The following CTNND2 variants were observed in gnomAD, a reference collection of about 807,000 sequenced individuals.
CTNND2 encodes catenin delta-2.
A neutral mutation model predicts 144.4 loss-of-function variants in CTNND2; 22 were observed. The observed-to-expected ratio is 0.15, with a 90% CI of 0.11 to 0.22. The LOEUF is 0.22. CTNND2 is among the 10% of genes least tolerant of loss of function. The pLI is 1.00. For synonymous variants in CTNND2, 751 were observed against 695.6 expected (o/e 1.08, Z -1.25); for missense variants, 1,353 against 1,618.8 (o/e 0.84, Z 2.82).
chr5:11,878,899 G>A (rs1379659087), intron 1 of CTNND2, among the ~76,000 whole-genome samples: 1 of 152,176 alleles, frequency 6.6e-6, no homozygotes. Flanking sequence ...CTGCTAGCCT[G>A]GATGTCTCAA....
chr5:11,481,557 C>A (rs1303363065), intron 3 of CTNND2, among the ~76,000 whole-genome samples: 1 of 151,890 alleles, frequency 6.6e-6, no homozygotes, highest in African/African-American at 2.4e-5. Context: ...GAGCCAAGGT[C>A]ATGCCACTGC....
At chr5:11,444,461 G>T (rs932451942) in intron 3 of CTNND2, among the ~76,000 whole-genome samples, 1 of 152,144 alleles carries the variant, frequency 6.6e-6, no homozygotes, top group Non-Finnish European at 1.5e-5. Context: ...GGCACTGGTG[G>T]CTGTTAAGAG....
At chr5:10,978,500 AG>A (rs35851795) in intron 21 of CTNND2, among the ~76,000 whole-genome samples, 43,104 of 145,406 alleles carry the variant, frequency 0.3, 6,616 homozygotes, top group African/African-American at 0.4. Flanking sequence ...CTTTTTGGGG[AG>A]GGGGGGGAAC....
chr5:11,887,083 A>G (rs1457917551), intron 1 of CTNND2, among the ~76,000 whole-genome samples: 1 of 140,392 alleles, frequency 7.1e-6, no homozygotes, highest in African/African-American at 2.7e-5. Flanking sequence ...TCCCGGGTTC[A>G]CTCCATTCTT....
At chr5:11,207,434 T>C (rs915948268) in intron 10 of CTNND2, among the ~76,000 whole-genome samples, 1 of 152,128 alleles carries the variant, frequency 6.6e-6, no homozygotes, top group Non-Finnish European at 1.5e-5. Flanking sequence ...TTTAACTTTA[T>C]TATATCAATT....
intron 14 of CTNND2, among the ~76,000 whole-genome samples, chr5:11,105,518 G>A (rs1212938985): frequency 6.8e-6 from 1 of 147,496 alleles, no homozygotes; most frequent in Non-Finnish European, 1.5e-5. Context: ...TGTGACCAGT[G>A]CCGAAGCCGA....
At chr5:11,184,028 T>A (rs1189580636) in intron 11 of CTNND2, among the ~76,000 whole-genome samples, 1 of 152,228 alleles carries the variant, frequency 6.6e-6, no homozygotes, top group Non-Finnish European at 1.5e-5. Flanking sequence ...AGGCAAAGAC[T>A]GAAACATAAC....
intron 2 of CTNND2, among the ~76,000 whole-genome samples, chr5:11,730,391 G>A (rs1422702028): frequency 1.3e-5 from 2 of 152,086 alleles, no homozygotes; most frequent in East Asian, 3.9e-4. Context: ...ACAACACCAC[G>A]TAAGCCTCTT....
chr5:11,662,273 G>GTATA (rs147318564), intron 2 of CTNND2, among the ~76,000 whole-genome samples: 24 of 134,122 alleles, frequency 1.8e-4, no homozygotes, highest in Non-Finnish European at 3.4e-4. Context: ...GTGTGTGTGT[G>GTATA]TATATATATA....
At chr5:10,984,778 T>C (rs1340308533) in intron 20 of CTNND2, among the ~76,000 whole-genome samples, 1 of 152,130 alleles carries the variant, frequency 6.6e-6, no homozygotes, top group East Asian at 1.9e-4. Context: ...AGAACGACTT[T>C]CAAAGGCATA....
At chr5:11,513,479 A>C (rs532506200) in intron 3 of CTNND2, among the ~76,000 whole-genome samples, 2 of 152,256 alleles carry the variant, frequency 1.3e-5, no homozygotes, top group East Asian at 3.9e-4. Context: ...ATTTACTTCT[A>C]TTCTCAGGTT....
At chr5:11,727,368 C>T (rs907438448) in intron 2 of CTNND2, among the ~76,000 whole-genome samples, 3 of 152,146 alleles carry the variant, frequency 2.0e-5, no homozygotes, top group African/African-American at 7.2e-5. Context: ...TCCTTGCTCC[C>T]CCTTCCTTGT....
At chr5:11,130,500 C>T (rs1755482923) in intron 12 of CTNND2, among the ~76,000 whole-genome samples, 1 of 152,174 alleles carries the variant, frequency 6.6e-6, no homozygotes, top group African/African-American at 2.4e-5. Context: ...CCAATTAAAA[C>T]TGATGGTCGC....
At chr5:11,019,781 T>TA (rs1742044341) in intron 17 of CTNND2, among the ~76,000 whole-genome samples, 1 of 152,246 alleles carries the variant, frequency 6.6e-6, no homozygotes, top group Non-Finnish European at 1.5e-5. Flanking sequence ...CAGTAACAGT[T>TA]AAGACTGTTA....
chr5:11,903,592 G>T lies in CTNND2; in HGVS notation c.37+225C>A, dbSNP rs945348819. 6.6e-6 allele frequency among the ~76,000 whole-genome samples: 1 copy of T among 152,106 alleles called. No homozygotes were observed. The highest frequency in any genetic ancestry group is 1.5e-5 in the Non-Finnish European group (1 of 68,010). ...CACGCAGGGCAGCCACTTGGTAACC[G>T]CTCCAAGAAAGGCACTAACCCCGGA... On this transcript the variant is annotated intron_variant, in intron 1 of 21. Transcript: ENST00000304623. This position sits in a 1 kb window ranked among gnomAD's most constrained non-coding sequence, Gnocchi z 5.4.
chr5:11,866,272 C>A (rs552066858), intron 1 of CTNND2, among the ~76,000 whole-genome samples: 1 of 152,150 alleles, frequency 6.6e-6, no homozygotes, highest in Non-Finnish European at 1.5e-5. Flanking sequence ...CACTGCACTC[C>A]AGCCAGGATG....
intron 3 of CTNND2, among the ~76,000 whole-genome samples, chr5:11,416,782 T>G (rs1412392819): frequency 6.6e-6 from 1 of 152,166 alleles, no homozygotes; most frequent in Non-Finnish European, 1.5e-5. Context: ...ATGTTCAACT[T>G]CAGGAAATAA....
intron 16 of CTNND2, among the ~76,000 whole-genome samples, chr5:11,035,876 G>C: frequency 6.6e-6 from 1 of 151,614 alleles, no homozygotes; most frequent in East Asian, 1.9e-4. Flanking sequence ...ACAATGAAAG[G>C]TGTCACAGTC....
At chr5:10,992,722 A>C in intron 18 of CTNND2, 45 bp from the exon 19 acceptor site, 1 of 1,594,278 alleles carries the variant, frequency 6.3e-7, no homozygotes, top group South Asian at 1.1e-5. Flanking sequence ...AGACAGAGTG[A>C]TTTTTCACCT....
Sources: allele counts gnomAD v4.1 joint callset (sites outside exome capture counted in the v4.1 genomes callset), GRCh38; gene constraint gnomAD v4.1.1; non-coding constraint Gnocchi (gnomAD v3.1); transcripts MANE v1.5; gene names NCBI Gene and HGNC (gene_info 2026-07-23, HGNC 2026-07-21).